The following MGAT3 variants were observed in gnomAD, a reference collection of about 807,000 sequenced individuals.
MGAT3 encodes the protein GlcNAc-T III.
A neutral mutation model predicts 29.8 loss-of-function variants in MGAT3; 9 were observed. The observed-to-expected ratio is 0.30, with a 90% confidence interval of 0.18 to 0.53. MGAT3 has a LOEUF of 0.53. MGAT3 is among the 20% of genes least tolerant of loss of function. The pLI, the probability that MGAT3 is intolerant of heterozygous loss-of-function variation, is 0.96. For synonymous variants in MGAT3, 397 were observed against 348.9 expected, an observed-to-expected ratio of 1.14 and a Z score of -1.54; for missense variants, 557 against 769.5, an observed-to-expected ratio of 0.72 and a Z score of 3.27.
Position 39,491,347 on chromosome 22 carries a change from C to T in MGAT3, c.*2398C>T, listed in dbSNP as rs550740496. The T allele has an allele frequency of 3.0e-5, 5 of 167,596 alleles. No homozygotes were observed. Among genetic ancestry groups the T allele is most frequent in the African/African-American group, 1.2e-4 (5 of 41,560 alleles). 10.4% of individuals were successfully genotyped at this position (167,596 alleles called of 1,614,324 possible). A position where few individuals can be genotyped will look rare whatever the true frequency, so the allele number is the denominator to read the frequency against. On this transcript the variant is annotated 3_prime_UTR_variant, in exon 2 of 2. Transcript: ENST00000341184. This position sits in a 1 kb window ranked among gnomAD's most constrained non-coding sequence, Gnocchi z 5.5. ...TCTTGGGGCTGAGAGGTGGCTCAAA[C>T]ACTCGGGGTCCCTATGGCTCTGGGT... is the stretch of plus-strand genomic sequence containing the variant.
At chr22:39,475,482 T>G (rs137938199) in intron 1 of MGAT3, among the ~76,000 whole-genome samples, 109 of 152,290 alleles carry the variant, frequency 7.2e-4, no homozygotes, top group African/African-American at 2.6e-3. Flanking sequence ...CCCTGCACCC[T>G]GGTGTCAGGC....
intron 1 of MGAT3, among the ~76,000 whole-genome samples, chr22:39,463,280 C>T (rs534136749): frequency 6.6e-6 from 1 of 152,336 alleles, no homozygotes; most frequent in Admixed American, 6.5e-5. Flanking sequence ...TGAGGGTACC[C>T]AGAGTTGGGG....
chr22:39,462,839 C>T (rs1218432954), intron 1 of MGAT3, among the ~76,000 whole-genome samples: 2 of 152,194 alleles, frequency 1.3e-5, no homozygotes, highest in East Asian at 1.9e-4. Context: ...ACCTAATTAC[C>T]GTATTGTTTA....
intron 1 of MGAT3, among the ~76,000 whole-genome samples, chr22:39,469,731 C>T (rs997445576): frequency 6.6e-6 from 1 of 152,246 alleles, no homozygotes; most frequent in Non-Finnish European, 1.5e-5. Flanking sequence ...CCCGTACCCC[C>T]GCTCCGCTCA....
In MGAT3 at chr22:39,491,184, T is replaced by G. The variant is rs573066725; in HGVS notation, c.*2235T>G. ...TTAAGTGCCCAGTGAGGGCATGGTG[T>G]GGGGAGCTGGCCTCAGAGGAGCCGC... On this transcript the variant is annotated 3_prime_UTR_variant, in exon 2 of 2. Transcript: ENST00000341184. This position sits in a 1 kb window ranked among gnomAD's most constrained non-coding sequence, Gnocchi z 5.5. The G allele has an allele frequency of 6.0e-6, 1 of 167,532 alleles. No homozygotes were observed. Among genetic ancestry groups the G allele is most frequent in the South Asian group, 2.1e-4 (1 of 4,840 alleles). The allele number at this position is 167,532 out of a possible 1,614,324, so 10.4% of individuals were successfully genotyped here.
chr22:39,476,699 T>G (rs1467892070), intron 1 of MGAT3: 2 of 152,146 alleles, frequency 1.3e-5, no homozygotes, highest in Admixed American at 6.5e-5. Flanking sequence ...AGTCTCCGTT[T>G]CCGTCTGTTT....
chr22:39,458,634 G>A lies in MGAT3; in HGVS notation c.-2+1077G>A, dbSNP rs1036618657. 3.3e-5 allele frequency among the ~76,000 whole-genome samples: 5 copies of A among 152,306 alleles called. No homozygotes were observed. In the East Asian group the frequency reaches 5.8e-4, roughly 18 times the overall value. On this transcript the variant is annotated intron_variant, in intron 1 of 1. Coordinates refer to ENST00000341184, the MANE Select transcript of MGAT3 (RefSeq NM_002409.5). ...GGGAGCCGCTCTGGGTCCTAGGAAG[G>A]TTTGAAAGAGGGGTCCCAGCCCAGG...
At position 39,491,920 on chromosome 22, in the gene MGAT3, G is replaced by C. The variant is rs933491324; in HGVS notation, c.*2971G>C. On this transcript the variant is annotated 3_prime_UTR_variant, in exon 2 of 2. Coordinates refer to ENST00000341184, the MANE Select transcript of MGAT3 (RefSeq NM_002409.5). The surrounding 1 kb of genome is among the most constrained non-coding windows in gnomAD (Gnocchi z 5.5). ...AGCATGGCTGGCCTTATCCACCCAT[G>C]GGTCACGTCGGTTCCCAGGGGCAGC... The C allele has an allele frequency of 1.2e-5, 2 of 167,042 alleles. No homozygotes were observed. Among genetic ancestry groups the C allele is most frequent in the African/African-American group, 4.8e-5 (2 of 41,386 alleles). The allele number at this position is 167,042 out of a possible 1,614,324, so 10.3% of individuals were successfully genotyped here. A position where few individuals can be genotyped will look rare whatever the true frequency, so the allele number is the denominator to read the frequency against.
chr22:39,458,659 G>T (rs1177603227), intron 1 of MGAT3, among the ~76,000 whole-genome samples: 1 of 152,204 alleles, frequency 6.6e-6, no homozygotes, highest in Admixed American at 6.5e-5. Flanking sequence ...CCCAGCCCAG[G>T]AGGAAGAGAG....
At chr22:39,470,878 G>T (rs957749634) in intron 1 of MGAT3, among the ~76,000 whole-genome samples, 1 of 152,182 alleles carries the variant, frequency 6.6e-6, no homozygotes, top group African/African-American at 2.4e-5. Context: ...GGCAGGATTT[G>T]AATCCAGCCC....
intron 1 of MGAT3, among the ~76,000 whole-genome samples, chr22:39,477,103 C>T (rs780609418): frequency 3.9e-5 from 6 of 152,198 alleles, no homozygotes; most frequent in Non-Finnish European, 8.8e-5. Context: ...TCTGCCATAC[C>T]CCAGGGAAGG....
At chr22:39,470,777 G>C (rs1928787191) in intron 1 of MGAT3, among the ~76,000 whole-genome samples, 1 of 152,132 alleles carries the variant, frequency 6.6e-6, no homozygotes, top group Non-Finnish European at 1.5e-5. Context: ...TAATCCCCTC[G>C]GGGTTGGGAT....
In MGAT3 at chr22:39,487,833, A is replaced by G; in HGVS notation, c.486A>G (p.Arg162=). The G allele has an allele frequency of 6.6e-7, 1 of 1,508,032 alleles. No homozygotes were observed. The highest frequency in any genetic ancestry group is 1.3e-5 in the South Asian group (1 of 76,664). 93.4% of individuals were successfully genotyped at this position (1,508,032 alleles called of 1,614,324 possible). The change falls in exon 2 of 2, where the codon CGA becomes CGG. Residue 162 remains arginine (R), a synonymous_variant. Coordinates refer to ENST00000341184, the MANE Select transcript of MGAT3 (RefSeq NM_002409.5). The surrounding 1 kb of genome is among the most constrained non-coding windows in gnomAD (Gnocchi z 5.7). The part of the protein sequence containing the change: ...LLSARERTGG[R]GARRKWVECV... ...GCGCCCGGGAGCGCACGGGGGGCCG[A>G]GGCGCCCGGCGCAAGTGGGTGGAGT...
At chr22:39,486,304 T>C (rs1929270714) in intron 1 of MGAT3, 2 of 307,778 alleles carry the variant, frequency 6.5e-6, no homozygotes, top group East Asian at 2.3e-4. Context: ...GCCACTACAC[T>C]CAGCTAACTT....
chr22:39,485,547 T>G (rs1025570021), intron 1 of MGAT3, among the ~76,000 whole-genome samples: 3 of 152,158 alleles, frequency 2.0e-5, no homozygotes, highest in African/African-American at 7.2e-5. Flanking sequence ...TCTCAGCACT[T>G]TGGGAGGTCG....
chr22:39,461,658 C>G (rs933430560), intron 1 of MGAT3, among the ~76,000 whole-genome samples: 1 of 152,170 alleles, frequency 6.6e-6, no homozygotes, highest in Non-Finnish European at 1.5e-5. Flanking sequence ...TGTTGTCCAT[C>G]AAAAGCTTCC....
At chr22:39,466,014 G>A (rs1356428553) in intron 1 of MGAT3, among the ~76,000 whole-genome samples, 2 of 152,094 alleles carry the variant, frequency 1.3e-5, no homozygotes, top group Non-Finnish European at 2.9e-5. Context: ...CCATGTTGAT[G>A]TTGGTTCCAG....
intron 1 of MGAT3, among the ~76,000 whole-genome samples, chr22:39,469,213 G>T (rs931748121): frequency 1.3e-5 from 2 of 152,080 alleles, no homozygotes; most frequent in Admixed American, 1.3e-4. Context: ...TGGGTGGGGA[G>T]GGGCCCAGAA....
intron 1 of MGAT3, among the ~76,000 whole-genome samples, chr22:39,471,549 C>T (rs1030283844): frequency 6.6e-6 from 1 of 152,116 alleles, no homozygotes; most frequent in Admixed American, 6.5e-5. Context: ...CCTTCCTTCG[C>T]CCTCCCAGCC....
Sources: gnomAD v4.1 joint callset for allele counts (sites outside exome capture counted in the v4.1 genomes callset) on GRCh38, gnomAD v4.1.1 for gene constraint, Gnocchi (gnomAD v3.1) non-coding constraint, MANE v1.5 for transcripts, NCBI Gene and HGNC (gene_info 2026-07-23, HGNC 2026-07-21) for gene names.